Variants in PTPRD observed in about 807,000 individuals in gnomAD.
PTPRD encodes the protein protein tyrosine phosphatase receptor type D.
PTPRD carries 34 observed loss-of-function variants against 214.5 expected under a neutral mutation model. The ratio of observed to expected loss-of-function variants is 0.16; its 90% CI spans 0.12 to 0.21. The LOEUF (loss-of-function observed/expected upper bound fraction) is 0.21. PTPRD is among the 10% of genes least tolerant of loss of function. PTPRD has a pLI of 1.00. For missense variants in PTPRD, 2,545 were observed against 2,398.7 expected (o/e 1.06, Z -1.27); for synonymous variants, 1,128 against 845.7 (o/e 1.33, Z -5.79).
chr9:9,288,496 G>T (rs1950189293), intron 9 of PTPRD, among the ~76,000 whole-genome samples: 1 of 151,428 alleles, frequency 6.6e-6, no homozygotes, highest in Admixed American at 6.6e-5. Flanking sequence ...CCTTTAACGT[G>T]GTATATCTGT....
intron 34 of PTPRD, among the ~76,000 whole-genome samples, chr9:8,440,818 A>T (rs1476439135): frequency 6.6e-6 from 1 of 152,206 alleles, no homozygotes; most frequent in Non-Finnish European, 1.5e-5. Context: ...ATAAGAAGTA[A>T]ACTTTAAAAT....
chr9:10,566,850 A>C (rs1310403781), intron 2 of PTPRD, among the ~76,000 whole-genome samples: 2 of 152,082 alleles, frequency 1.3e-5, no homozygotes, highest in African/African-American at 2.4e-5. Flanking sequence ...TGGAATGAGT[A>C]GGGTTCAAAA....
chr9:9,226,152 G>T (rs908437677), intron 9 of PTPRD, among the ~76,000 whole-genome samples: 2 of 151,756 alleles, frequency 1.3e-5, no homozygotes, highest in African/African-American at 4.8e-5. Context: ...TAGGTAAAGT[G>T]GGGGAAGAAT....
At chr9:8,911,385 C>A (rs116206251) in intron 11 of PTPRD, among the ~76,000 whole-genome samples, 1 of 137,214 alleles carries the variant, frequency 7.3e-6, no homozygotes, top group African/African-American at 2.6e-5. Context: ...GAACTGGATG[C>A]CCATGTGTGT....
At chr9:9,957,368 G>C (rs941312385) in intron 4 of PTPRD, among the ~76,000 whole-genome samples, 9 of 152,024 alleles carry the variant, frequency 5.9e-5, no homozygotes, top group Admixed American at 2.0e-4. Flanking sequence ...GAAAGGACTT[G>C]TACACATGCA....
intron 2 of PTPRD, among the ~76,000 whole-genome samples, chr9:10,477,411 C>T (rs937477571): frequency 2.6e-5 from 4 of 152,034 alleles, no homozygotes; most frequent in African/African-American, 9.7e-5. Context: ...CAGAGAAATG[C>T]AAATCAAAAC....
rs916061506 is a variant in PTPRD at position 9,727,302 on chromosome 9, T to C, written c.-287+7231A>G. Among the ~76,000 whole-genome samples, 9 of 151,948 alleles carry C rather than the reference T, an allele frequency of 5.9e-5. No homozygotes were observed. The East Asian group carries it at 1.7e-3, about 29-fold the overall frequency. On this transcript the variant is annotated intron_variant, in intron 7 of 45. Coordinates refer to ENST00000381196, the MANE Select transcript of PTPRD (RefSeq NM_002839.4). Reference sequence around the variant, plus strand: ...CCATTTCTACTAAAAATACAAAAAGTTAGCCAGGCGTGATGGCACAAGCCT... The same window carrying C: ...CCATTTCTACTAAAAATACAAAAAGCTAGCCAGGCGTGATGGCACAAGCCT...
chr9:8,994,886 C>T (rs2099390654), intron 11 of PTPRD, among the ~76,000 whole-genome samples: 1 of 151,984 alleles, frequency 6.6e-6, no homozygotes, highest in Non-Finnish European at 1.5e-5. Flanking sequence ...TATCCTACTG[C>T]TCAAAATTAA....
At chr9:9,187,101 A>G (rs961799405) in intron 9 of PTPRD, among the ~76,000 whole-genome samples, 1 of 152,036 alleles carries the variant, frequency 6.6e-6, no homozygotes, top group African/African-American at 2.4e-5. Context: ...CTAAATTAGA[A>G]AAAAGTTTAC....
At chr9:10,095,014 G>A (rs954465228) in intron 3 of PTPRD, among the ~76,000 whole-genome samples, 3 of 151,108 alleles carry the variant, frequency 2.0e-5, no homozygotes, top group South Asian at 2.1e-4. Context: ...ACTTCTAAGC[G>A]GGGTATTACA....
chr9:8,559,225 C>A (rs1362514155), intron 14 of PTPRD, among the ~76,000 whole-genome samples: 1 of 152,078 alleles, frequency 6.6e-6, no homozygotes, highest in Non-Finnish European at 1.5e-5. Context: ...AGCAGTAATT[C>A]GTTGTTTATT....
chr9:10,038,905 C>A (rs1036827661), intron 3 of PTPRD, among the ~76,000 whole-genome samples: 1 of 152,010 alleles, frequency 6.6e-6, no homozygotes, highest in Non-Finnish European at 1.5e-5. Context: ...ACAATTATTG[C>A]CCTTTACACT....
At chr9:8,891,836 G>A (rs2098542402) in intron 11 of PTPRD, among the ~76,000 whole-genome samples, 1 of 152,090 alleles carries the variant, frequency 6.6e-6, no homozygotes, top group Admixed American at 6.5e-5. Flanking sequence ...AAATCACCTT[G>A]GGAATCCCAG....
chr9:9,293,515 T>C (rs1391509930), intron 9 of PTPRD, among the ~76,000 whole-genome samples: 1 of 151,522 alleles, frequency 6.6e-6, no homozygotes, highest in Non-Finnish European at 1.5e-5. Context: ...AGATTATTAT[T>C]ATTATTACTG....
chr9:10,506,871 C>A (rs1172182917), intron 2 of PTPRD, among the ~76,000 whole-genome samples: 5 of 152,072 alleles, frequency 3.3e-5, no homozygotes, highest in Non-Finnish European at 1.5e-5. Context: ...AAGTCATCCA[C>A]AGAGATAATG....
chr9:9,836,029 CTTTTAAAAGTGTA>C (rs1035875360), intron 5 of PTPRD, among the ~76,000 whole-genome samples: 5 of 152,148 alleles, frequency 3.3e-5, no homozygotes, highest in Admixed American at 3.3e-4. Flanking sequence ...GTACAAGGAA[CTTTTAAAAGTGTA>C]TGTTACTGCT....
intron 6 of PTPRD, among the ~76,000 whole-genome samples, chr9:9,744,767 G>A (rs939299279): frequency 5.3e-5 from 8 of 151,992 alleles, no homozygotes; most frequent in African/African-American, 1.9e-4. Flanking sequence ...TTGATAATTA[G>A]TAAGTGCTAG....
chr9:10,112,957 G>A (rs762185850), intron 3 of PTPRD, among the ~76,000 whole-genome samples: 3 of 152,196 alleles, frequency 2.0e-5, no homozygotes, highest in Non-Finnish European at 2.9e-5. Context: ...AGGAAGGTGT[G>A]AGGGATGCTT....
rs563729238 is a variant in PTPRD, at chr9:9,718,852, G to A, written c.-287+15681C>T. On this transcript the variant is annotated intron_variant, in intron 7 of 45. Coordinates refer to ENST00000381196, the MANE Select transcript of PTPRD (RefSeq NM_002839.4). ...TGGGTGTCTGAGATTGGCTTGGCACGTGCCTGGTGTTGACCCTCGGCAAAG... is the reference window on the plus strand; with the variant it reads ...TGGGTGTCTGAGATTGGCTTGGCACATGCCTGGTGTTGACCCTCGGCAAAG... 1.1e-3 allele frequency among the ~76,000 whole-genome samples: 165 copies of A among 152,310 alleles called. 1 individual carries two copies. Among genetic ancestry groups the A allele is most frequent in the Middle Eastern group, 0.01 (3 of 294 alleles).
Sources: gnomAD v4.1 joint callset for allele counts (sites outside exome capture counted in the v4.1 genomes callset) on GRCh38, gnomAD v4.1.1 for gene constraint, MANE v1.5 for transcripts, NCBI Gene and HGNC (gene_info 2026-07-23, HGNC 2026-07-21) for gene names.